The following WARS2 variants were observed in gnomAD, a reference collection of about 807,000 sequenced individuals.
WARS2 encodes the protein tryptophan--tRNA ligase, mitochondrial.
WARS2 carries 28 observed loss-of-function variants against 36.5 expected under a neutral mutation model. The observed-to-expected ratio is 0.77, with a 90% CI of 0.57 to 1.05. The LOEUF (loss-of-function observed/expected upper bound fraction) is 1.05. Ranked by LOEUF, WARS2 falls within the 50% of genes least tolerant of loss-of-function variation. WARS2 has a pLI of 0.00. For synonymous variants in WARS2, 174 were observed against 178.4 expected (o/e 0.98, Z 0.20); for missense variants, 435 against 456.8 (o/e 0.95, Z 0.44).
At chr1:119,037,054 T>C (rs1351688641) in intron 4 of WARS2, among the ~76,000 whole-genome samples, 1 of 152,238 alleles carries the variant, frequency 6.6e-6, no homozygotes, top group East Asian at 1.9e-4. Context: ...TCAGTCTTTC[T>C]TTCACTTCAA....
intron 1 of WARS2, among the ~76,000 whole-genome samples, chr1:119,079,770 T>C (rs780038306): frequency 2.0e-5 from 3 of 152,162 alleles, no homozygotes; most frequent in Non-Finnish European, 4.4e-5. Context: ...TGGTCCAGAA[T>C]TGTGCTTGAT....
chr1:119,071,038 C>A (rs1236067442), intron 2 of WARS2, among the ~76,000 whole-genome samples: 1 of 151,946 alleles, frequency 6.6e-6, no homozygotes, highest in African/African-American at 2.4e-5. Flanking sequence ...CAAAAATTGG[C>A]CAAGCTTGGT....
chr1:119,033,741 C>A (rs1647645829), intron 5 of WARS2, among the ~76,000 whole-genome samples: 1 of 152,150 alleles, frequency 6.6e-6, no homozygotes, highest in Non-Finnish European at 1.5e-5. Flanking sequence ...AACAGTGTTT[C>A]CAACTTACAA....
chr1:119,040,660 A>G (rs1648273926), intron 4 of WARS2, among the ~76,000 whole-genome samples: 2 of 152,322 alleles, frequency 1.3e-5, no homozygotes, highest in South Asian at 2.1e-4. Context: ...ATTAGACAAC[A>G]TTGTAATTAT....
In WARS2 at chr1:119,063,447, A is replaced by G. The variant is rs556556927; in HGVS notation, c.348+12903T>C. ...ATTCAAGCCCGCTGCAGAAATTTGCATAAGTAGCAAGGAGCCTAATGTTAA... is the reference window on the plus strand; with the variant it reads ...ATTCAAGCCCGCTGCAGAAATTTGCGTAAGTAGCAAGGAGCCTAATGTTAA... On this transcript the variant is annotated intron_variant, in intron 2 of 5. Coordinates refer to ENST00000235521, the MANE Select transcript of WARS2 (RefSeq NM_015836.4). The G allele has an allele frequency of 2.2e-4, 34 of 152,340 alleles. No individual in the cohort carries two copies. The East Asian group carries it at 6.4e-3, about 29-fold the overall frequency. 9.4% of individuals were successfully genotyped at this position (152,340 alleles called of 1,614,324 possible). A position where few individuals can be genotyped will look rare whatever the true frequency, so the allele number is the denominator to read the frequency against.
intron 2 of WARS2, among the ~76,000 whole-genome samples, chr1:119,058,198 T>A (rs974240334): frequency 6.6e-6 from 1 of 152,094 alleles, no homozygotes; most frequent in East Asian, 1.9e-4. Flanking sequence ...GCTGGAGACC[T>A]AACACCCTCT....
intron 2 of WARS2, among the ~76,000 whole-genome samples, chr1:119,067,768 G>A (rs368644271): frequency 6.6e-6 from 1 of 151,716 alleles, no homozygotes; most frequent in African/African-American, 2.4e-5. Context: ...AAAAAGAAGT[G>A]ACAGTAAGAT....
At chr1:119,074,503 A>G (rs587702718) in intron 2 of WARS2, among the ~76,000 whole-genome samples, 1 of 152,346 alleles carries the variant, frequency 6.6e-6, no homozygotes, top group Admixed American at 6.5e-5. Flanking sequence ...GATCTGTCCA[A>G]CGCTGAATTT....
At chr1:119,039,103 C>A (rs181431432) in intron 4 of WARS2, among the ~76,000 whole-genome samples, 25 of 152,350 alleles carry the variant, frequency 1.6e-4, no homozygotes, top group African/African-American at 6.0e-4. Flanking sequence ...TCTGAAACTT[C>A]ATTTCCCCAT....
chr1:119,053,417 G>A (rs1649529265), intron 2 of WARS2, among the ~76,000 whole-genome samples: 1 of 151,942 alleles, frequency 6.6e-6, no homozygotes, highest in African/African-American at 2.4e-5. Flanking sequence ...GAATAACTGG[G>A]AACAATAATA....
chr1:119,101,374 T>C (rs910642041), intron 1 of WARS2, among the ~76,000 whole-genome samples: 1 of 152,180 alleles, frequency 6.6e-6, no homozygotes, highest in Non-Finnish European at 1.5e-5. Context: ...TGAAGGATAG[T>C]CAAAATGTTT....
chr1:119,083,171 G>A (rs970787202), intron 1 of WARS2, among the ~76,000 whole-genome samples: 1 of 152,218 alleles, frequency 6.6e-6, no homozygotes, highest in Non-Finnish European at 1.5e-5. Flanking sequence ...AGAGGTTGCA[G>A]TGAGATGAGA....
At chr1:119,135,345 G>C (rs185435243) in intron 1 of WARS2, among the ~76,000 whole-genome samples, 62 of 152,194 alleles carry the variant, frequency 4.1e-4, no homozygotes, top group Admixed American at 3.9e-3. Flanking sequence ...AAACAAGCAG[G>C]GCTAAAAATA....
intron 1 of WARS2, among the ~76,000 whole-genome samples, chr1:119,084,355 G>T (rs587722861): frequency 6.6e-6 from 1 of 152,050 alleles, no homozygotes; most frequent in Non-Finnish European, 1.5e-5. Context: ...GAAATAGACA[G>T]AGGCGATGGT....
intron 1 of WARS2, among the ~76,000 whole-genome samples, chr1:119,136,970 C>T (rs1656551924): frequency 1.3e-5 from 2 of 152,086 alleles, no homozygotes; most frequent in Admixed American, 6.6e-5. Context: ...AACTGAGAGA[C>T]ATTCTACAAA....
At chr1:119,130,490 C>A (rs1350171153) in intron 1 of WARS2, among the ~76,000 whole-genome samples, 5 of 152,156 alleles carry the variant, frequency 3.3e-5, no homozygotes, top group Admixed American at 2.6e-4. Flanking sequence ...GAAATTCATA[C>A]CCTCTCAGAA....
intron 1 of WARS2, among the ~76,000 whole-genome samples, chr1:119,127,780 C>A (rs1655776820): frequency 6.6e-6 from 1 of 152,140 alleles, no homozygotes; most frequent in South Asian, 2.1e-4. Context: ...TTTCCCATTT[C>A]TTTCCATCTC....
intron 1 of WARS2, 55 bp downstream of exon 1, chr1:119,140,500 T>A (rs972832818): frequency 1.3e-6 from 2 of 1,537,906 alleles, no homozygotes; most frequent in Non-Finnish European, 1.8e-6. Context: ...GGCAGTGGGA[T>A]GAGAAGAACC....
intron 2 of WARS2, among the ~76,000 whole-genome samples, chr1:119,074,583 TG>T (rs1265767346): frequency 6.6e-6 from 1 of 152,250 alleles, no homozygotes; most frequent in Non-Finnish European, 1.5e-5. Context: ...ATTGACTTTA[TG>T]GTCCTTTTAA....
Sources: allele counts gnomAD v4.1 joint callset (sites outside exome capture counted in the v4.1 genomes callset), GRCh38; gene constraint gnomAD v4.1.1; transcripts MANE v1.5; gene names NCBI Gene and HGNC (gene_info 2026-07-23, HGNC 2026-07-21).